The following VAV3 variants were observed in gnomAD, a reference collection of about 807,000 sequenced individuals.
The protein encoded by VAV3 is vav guanine nucleotide exchange factor 3.
Under a neutral mutation model 131.2 loss-of-function variants are expected in VAV3, and 94 were observed. The ratio of observed to expected loss-of-function variants is 0.72; its 90% CI spans 0.61 to 0.85. The LOEUF (loss-of-function observed/expected upper bound fraction) is 0.85, where lower values mean the gene tolerates loss of function less well. Ranked by LOEUF, VAV3 falls within the 40% of genes least tolerant of loss-of-function variation. The probability of loss-of-function intolerance (pLI) is 0.00; values close to 1 mark genes in which losing one functional copy is unlikely to be tolerated. For synonymous variants in VAV3, 349 were observed against 342.0 expected, an observed-to-expected ratio of 1.02 and a Z score of -0.22; for missense variants, 939 against 1,002.7, an observed-to-expected ratio of 0.94 and a Z score of 0.86.
chr1:107,856,592 A>AG (rs1296853132), intron 2 of VAV3, among the ~76,000 whole-genome samples: 2 of 152,216 alleles, frequency 1.3e-5, no homozygotes, highest in Admixed American at 1.3e-4. Flanking sequence ...CAAAGTTATG[A>AG]TAACTAATTG....
At chr1:107,928,023 G>A (rs1673246514) in intron 1 of VAV3, among the ~76,000 whole-genome samples, 1 of 152,078 alleles carries the variant, frequency 6.6e-6, no homozygotes, top group Non-Finnish European at 1.5e-5. Flanking sequence ...TAGCCAGAGG[G>A]GTGCTTGTGT....
At chr1:107,736,553 A>T (rs1662649877) in intron 15 of VAV3, among the ~76,000 whole-genome samples, 1 of 152,218 alleles carries the variant, frequency 6.6e-6, no homozygotes, top group African/African-American at 2.4e-5. Context: ...AAGCATTCCT[A>T]TACACCAATT....
chr1:107,807,724 T>C (rs2102321445), intron 2 of VAV3, among the ~76,000 whole-genome samples: 1 of 152,362 alleles, frequency 6.6e-6, no homozygotes, highest in African/African-American at 2.4e-5. Context: ...TAGCAATCCA[T>C]ATACATCTTT....
At chr1:107,602,555 C>T (rs780268671) in intron 23 of VAV3, 71 bp from the exon 24 acceptor site, 145 of 1,196,630 alleles carry the variant, frequency 1.2e-4, no homozygotes, top group Non-Finnish European at 1.6e-4. Context: ...TACCAGAGGG[C>T]ATGCCCCAAT....
intron 25 of VAV3, 49 bp downstream of exon 25, chr1:107,596,163 C>T: frequency 6.3e-7 from 1 of 1,591,926 alleles, no homozygotes; most frequent in Non-Finnish European, 8.6e-7. Context: ...GTTATTGTGC[C>T]CCTAATTTTT....
intron 1 of VAV3, among the ~76,000 whole-genome samples, chr1:107,878,819 T>C (rs1177066761): frequency 1.3e-5 from 2 of 152,222 alleles, no homozygotes; most frequent in Admixed American, 6.5e-5. Context: ...ACCATGTGGC[T>C]GTCCTATTTC....
chr1:107,930,480 T>C (rs1400895697), intron 1 of VAV3, among the ~76,000 whole-genome samples: 1 of 152,158 alleles, frequency 6.6e-6, no homozygotes, highest in Non-Finnish European at 1.5e-5. Context: ...AGAAATGACA[T>C]ACTCTGAAAA....
chr1:107,737,262 A>T (rs921182912), intron 15 of VAV3, among the ~76,000 whole-genome samples: 18 of 152,282 alleles, frequency 1.2e-4, no homozygotes, highest in Admixed American at 1.2e-3. Flanking sequence ...CTAGAAGAAA[A>T]CCTAGGCAAT....
intron 1 of VAV3, among the ~76,000 whole-genome samples, chr1:107,916,940 A>T (rs867290562): frequency 1.3e-4 from 20 of 152,292 alleles, no homozygotes; most frequent in South Asian, 1.0e-3. Context: ...GACGCACAAG[A>T]CAAGTTGAGG....
chr1:107,922,013 C>CT (rs773383165), intron 1 of VAV3, among the ~76,000 whole-genome samples: 8 of 152,166 alleles, frequency 5.3e-5, no homozygotes, highest in Non-Finnish European at 1.5e-5. Context: ...GGAATAGACA[C>CT]TAAGTTCTTC....
chr1:107,599,904 AGT>A (rs1651711282), intron 24 of VAV3, among the ~76,000 whole-genome samples: 1 of 141,896 alleles, frequency 7.0e-6, no homozygotes, highest in African/African-American at 2.6e-5. Context: ...ATAATAGACA[AGT>A]GTGTTATTTG....
intron 20 of VAV3, among the ~76,000 whole-genome samples, chr1:107,637,709 T>C (rs537303219): frequency 1.3e-5 from 2 of 152,342 alleles, no homozygotes; most frequent in African/African-American, 4.8e-5. Context: ...TAGTAAATTC[T>C]ACGACACACT....
intron 17 of VAV3, among the ~76,000 whole-genome samples, chr1:107,691,641 C>T (rs570182341): frequency 6.6e-6 from 1 of 152,170 alleles, no homozygotes; most frequent in Non-Finnish European, 1.5e-5. Context: ...ATTTACCCTG[C>T]AGCCTACTTC....
intron 17 of VAV3, among the ~76,000 whole-genome samples, chr1:107,699,355 G>T (rs1570775536): frequency 6.6e-6 from 1 of 152,222 alleles, no homozygotes. Context: ...TCATATCCAG[G>T]TCACACCGAT....
chr1:107,603,292 T>C (rs1399590287), intron 22 of VAV3, 129 bp from the exon 23 acceptor site: 3 of 671,084 alleles, frequency 4.5e-6, no homozygotes, highest in Admixed American at 2.6e-5. Flanking sequence ...ACTAATTACA[T>C]TGTTTAAGAA....
At chr1:107,732,595 G>A (rs1222791043) in intron 15 of VAV3, among the ~76,000 whole-genome samples, 1 of 152,186 alleles carries the variant, frequency 6.6e-6, no homozygotes. Context: ...CATGCCCACG[G>A]AGCCTCGTTC....
At chr1:107,701,992 C>T (rs2494063) in intron 17 of VAV3, among the ~76,000 whole-genome samples, 50,493 of 152,054 alleles carry the variant, frequency 0.33, 9,459 homozygotes, top group African/African-American at 0.51. Context: ...GTTCCAAAGT[C>T]GCTTCCACAT....
chr1:107,705,163 T>A, intron 15 of VAV3, 102 bp from the exon 16 acceptor site: 1 of 919,194 alleles, frequency 1.1e-6, no homozygotes, highest in Non-Finnish European at 1.7e-6. Context: ...CAGGTAGAGA[T>A]CTGATTCAAG....
Position 107,696,050 on chromosome 1 carries a change from C to T in VAV3, c.1706-7644G>A, listed in dbSNP as rs1659723555. On this transcript the variant is annotated intron_variant, in intron 17 of 26. Transcript: ENST00000370056. ...TTATCTTTAATTGACACATTCAAAGCCAGAGGTTTTAAAATGTTTTGTCCT... is the reference window on the plus strand; with the variant it reads ...TTATCTTTAATTGACACATTCAAAGTCAGAGGTTTTAAAATGTTTTGTCCT... 2.6e-5 allele frequency among the ~76,000 whole-genome samples: 4 copies of T among 152,096 alleles called. No homozygotes were observed. In the South Asian group the frequency reaches 8.3e-4, roughly 32 times the overall value.
Sources: allele counts gnomAD v4.1 joint callset (sites outside exome capture counted in the v4.1 genomes callset), GRCh38; gene constraint gnomAD v4.1.1; transcripts MANE v1.5; gene names NCBI Gene and HGNC (gene_info 2026-07-23, HGNC 2026-07-21).